Variants in CROCC2 observed in about 807,000 individuals in gnomAD.
CROCC2 encodes ciliary rootlet coiled-coil, rootletin family member 2, also known as ciliary rootlet coiled-coil protein 2.
CROCC2 carries 163 observed loss-of-function variants against 177.6 expected under a neutral mutation model. That is an observed-to-expected ratio of 0.92 (90% CI 0.81 to 1.05). The LOEUF is 1.05. Ranked by LOEUF, CROCC2 falls within the 50% of genes least tolerant of loss-of-function variation. The pLI, the probability that CROCC2 is intolerant of heterozygous loss-of-function variation, is 0.00. For missense variants in CROCC2, 1,929 were observed against 1,797.8 expected (o/e 1.07, Z -1.32); for synonymous variants, 904 against 787.3 (o/e 1.15, Z -2.48).
At chr2:240,946,568 T>C (rs535203835) in intron 15 of CROCC2, among the ~76,000 whole-genome samples, 1 of 152,114 alleles carries the variant, frequency 6.6e-6, no homozygotes, top group African/African-American at 2.4e-5. Flanking sequence ...TCAGGGTGAA[T>C]CCAACTTCAG....
At position 240,958,050 on chromosome 2, in the gene CROCC2, C is replaced by A; in HGVS notation, c.2944-1251C>A. On this transcript the variant is annotated intron_variant, in intron 19 of 31. Transcript: ENST00000690015. The surrounding 1 kb of genome is among the most constrained non-coding windows in gnomAD (Gnocchi z 6.7). ...CGGACTCGGTACCAGGCCTGCCAGC[C>A]AGCCGGCCTTCCTGGGGAGCTCGTT... 2.0e-6 allele frequency: 2 copies of A among 985,420 alleles called. No homozygotes were observed. The highest frequency in any genetic ancestry group is 2.4e-6 in the Non-Finnish European group (2 of 829,926). The allele number at this position is 985,420 out of a possible 1,614,324, so 61.0% of individuals were successfully genotyped here.
intron 9 of CROCC2, 77 bp downstream of exon 9, chr2:240,932,985 A>T: frequency 6.8e-7 from 1 of 1,480,950 alleles, no homozygotes; most frequent in Non-Finnish European, 8.9e-7. Context: ...AAGGGTAGTT[A>T]TGGGGCCTGC....
In CROCC2 at chr2:240,933,166, G is replaced by T; in HGVS notation, c.1287G>T (p.Leu429=). The T allele has an allele frequency of 1.3e-6, 2 of 1,550,072 alleles. No homozygotes were observed. The highest frequency in any genetic ancestry group is 1.7e-6 in the Non-Finnish European group (2 of 1,146,808). Residue 429 remains leucine (L), a synonymous_variant, in exon 10 of 32, where the codon CTG becomes CTT. Coordinates refer to ENST00000690015, the MANE Select transcript of CROCC2 (RefSeq NM_001351305.2). ...LCLQLKSSQA[L]VASLQEQLSE... ...TGCAGCTGAAGTCCTCCCAGGCACT[G>T]GTGGCCAGTCTCCAGGAGCAGCTGT...
intron 27 of CROCC2, among the ~76,000 whole-genome samples, chr2:240,971,610 C>A (rs4234091): frequency 9.7e-4 from 147 of 152,064 alleles, no homozygotes; most frequent in African/African-American, 3.5e-3. Flanking sequence ...AAAATGTGGG[C>A]GTGTCGGCCC....
At chr2:240,956,040 C>G in intron 19 of CROCC2, 68 bp downstream of exon 19, 1 of 1,173,590 alleles carries the variant, frequency 8.5e-7, no homozygotes, top group Non-Finnish European at 1.2e-6. Context: ...GGGGCCACCC[C>G]TCCTGCCTGG....
intron 27 of CROCC2, among the ~76,000 whole-genome samples, chr2:240,979,885 G>A (rs1574795149): frequency 5.1e-5 from 1 of 19,492 alleles, no homozygotes. Context: ...TCCCTGCTCA[G>A]TCTCTGGGGT....
At chr2:240,948,788 G>A (rs1412103527) in intron 15 of CROCC2, among the ~76,000 whole-genome samples, 191 bp from the exon 16 acceptor site, 1 of 152,326 alleles carries the variant, frequency 6.6e-6, no homozygotes, top group Non-Finnish European at 1.5e-5. Context: ...CATGACATGA[G>A]AATAGAAAAT....
At chr2:240,961,338 C>T (rs1386300906) in intron 20 of CROCC2, among the ~76,000 whole-genome samples, 1 of 152,274 alleles carries the variant, frequency 6.6e-6, no homozygotes, top group Non-Finnish European at 1.5e-5. Flanking sequence ...ACAAGCCTCA[C>T]ACACTCACAC....
At chr2:240,929,927 G>A (rs1462656018) in intron 5 of CROCC2, among the ~76,000 whole-genome samples, 2 of 152,220 alleles carry the variant, frequency 1.3e-5, no homozygotes, top group East Asian at 3.9e-4. Context: ...CACGCAGGCT[G>A]GCCTGGGAGG....
At chr2:240,951,473 T>C (rs1004383004) in intron 18 of CROCC2, among the ~76,000 whole-genome samples, 2 of 152,090 alleles carry the variant, frequency 1.3e-5, no homozygotes, top group African/African-American at 4.8e-5. Flanking sequence ...CACACACTTG[T>C]CATCATCCAC....
At chr2:240,957,072 A>T (rs1247837680) in intron 19 of CROCC2, among the ~76,000 whole-genome samples, 1 of 152,038 alleles carries the variant, frequency 6.6e-6, no homozygotes. Flanking sequence ...CACAGGTGCG[A>T]GGGTGCCCTG....
Position 240,934,402 on chromosome 2 carries a change from C to T in CROCC2, c.1718C>T (p.Ala573Val). 6.5e-7 allele frequency: 1 copy of T among 1,548,734 alleles called. No homozygotes were observed. Among genetic ancestry groups the T allele is most frequent in the Non-Finnish European group, 8.7e-7 (1 of 1,146,910 alleles). Residue 573 changes from alanine (A) to valine (V), a missense_variant, in exon 12 of 32, where the codon GCA becomes GTA. Physicochemically the swap from Ala to Val is moderately conservative, Grantham distance 64 (BLOSUM62 0). This residue lies in a region of CROCC2 where 1,397 missense variants were observed against 1,239.9 expected (regional missense o/e 1.13). Transcript: ENST00000690015. ...LREELASVREALSTAQLQRDV... is the reference protein window; with the variant it reads ...LREELASVREVLSTAQLQRDV... ...GAGGAGCTGGCATCGGTCCGGGAGGCACTGAGCACAGCACAGCTGCAGCGG... is the reference window on the plus strand; with the variant it reads ...GAGGAGCTGGCATCGGTCCGGGAGGTACTGAGCACAGCACAGCTGCAGCGG...
rs1466768015 is a variant in CROCC2, at chr2:240,967,428, G to A, written c.4230G>A (p.Val1410=). ...GGTGTGCCCGGGCCCAGAGCCGCGT[G>A]GGGCAGCTGCAGAAAGCCCTGGCTG... ...ECRCARAQSR[V]GQLQKALAEA... is the part of the protein sequence containing the mutation. Residue 1410 remains valine, a synonymous_variant, in exon 26 of 32, where the codon GTG becomes GTA. Transcript: ENST00000690015. 1.6e-6 allele frequency: 2 copies of A among 1,276,790 alleles called. No homozygotes were observed. Among genetic ancestry groups the A allele is most frequent in the Admixed American group, 2.0e-5 (1 of 50,622 alleles). 79.1% of individuals were successfully genotyped at this position (1,276,790 alleles called of 1,614,324 possible).
Position 240,949,286 on chromosome 2 carries a change from C to A in CROCC2, c.2482+189C>A, listed in dbSNP as rs946292433. ...GCCCATGAGGAGCAGCAACACCCTG[C>A]CCAGGCTGCACCTGGTGCCAGCCTG... On this transcript the variant is annotated intron_variant, in intron 16 of 31. Transcript: ENST00000690015. The surrounding 1 kb of genome is among the most constrained non-coding windows in gnomAD (Gnocchi z 4.5). The A allele has an allele frequency of 1.3e-6, 1 of 792,702 alleles. No homozygotes were observed. Among genetic ancestry groups the A allele is most frequent in the Non-Finnish European group, 1.5e-6 (1 of 653,830 alleles). 49.1% of individuals were successfully genotyped at this position (792,702 alleles called of 1,614,324 possible).
intron 21 of CROCC2, 91 bp from the exon 22 acceptor site, chr2:240,964,375 G>C: frequency 7.0e-7 from 1 of 1,433,616 alleles, no homozygotes; most frequent in Non-Finnish European, 9.6e-7. Context: ...ACTGGGGCCA[G>C]TGCCTCACTA....
In CROCC2 at chr2:240,949,054, G is replaced by A. The variant is rs1020751005; in HGVS notation, c.2439G>A (p.Glu813=). Residue 813 remains glutamate, a synonymous_variant, in exon 16 of 32, where the codon GAG becomes GAA. Coordinates refer to ENST00000690015, the MANE Select transcript of CROCC2 (RefSeq NM_001351305.2). This position sits in a 1 kb window ranked among gnomAD's most constrained non-coding sequence, Gnocchi z 4.5. ...QLATKLQEQL[E]EEARSAGLAR... ...CCACAAAGCTGCAGGAGCAGCTGGA[G>A]GAGGAAGCCCGGAGCGCAGGACTCG... 2.6e-6 allele frequency: 4 copies of A among 1,549,242 alleles called. 1 individual carries two copies. Among genetic ancestry groups the A allele is most frequent in the South Asian group, 2.4e-5 (2 of 83,976 alleles).
intron 1 of CROCC2, among the ~76,000 whole-genome samples, chr2:240,909,897 G>A (rs566800798): frequency 2.0e-5 from 3 of 152,286 alleles, no homozygotes; most frequent in South Asian, 4.1e-4. Context: ...TATAGCCTGG[G>A]AGACCATAGG....
chr2:240,907,471 G>A (rs1195198344), intron 1 of CROCC2, among the ~76,000 whole-genome samples: 1 of 152,138 alleles, frequency 6.6e-6, no homozygotes, highest in Admixed American at 6.5e-5. Flanking sequence ...GCTTACTCAT[G>A]GTTGCTTGTT....
intron 18 of CROCC2, among the ~76,000 whole-genome samples, chr2:240,951,459 C>T (rs1258013268): frequency 1.3e-5 from 2 of 152,044 alleles, no homozygotes; most frequent in African/African-American, 2.4e-5. Context: ...CTTGAATGAC[C>T]CTCCACACAC....
Sources: gnomAD v4.1 joint callset for allele counts (sites outside exome capture counted in the v4.1 genomes callset) on GRCh38, gnomAD v4.1.1 for gene constraint, gnomAD v4.1.1 regional missense constraint, Gnocchi (gnomAD v3.1) non-coding constraint, MANE v1.5 for transcripts, NCBI Gene and HGNC (gene_info 2026-07-23, HGNC 2026-07-21) for gene names.